The following HACL1 variants were observed in gnomAD, a reference collection of about 807,000 sequenced individuals.
HACL1 encodes the protein 1600020H07Rik.
In HACL1, 64 loss-of-function variants were observed where a neutral mutation model predicts 74.2. That is an observed-to-expected ratio of 0.86 (90% CI 0.70 to 1.06). The LOEUF (loss-of-function observed/expected upper bound fraction) is 1.06, where lower values mean the gene tolerates loss of function less well. Ranked by LOEUF, HACL1 falls within the 50% of genes least tolerant of loss-of-function variation. The probability of loss-of-function intolerance (pLI) is 0.00; values close to 1 mark genes in which losing one functional copy is unlikely to be tolerated. For missense variants in HACL1, 728 were observed against 719.7 expected (o/e 1.01, Z -0.13); for synonymous variants, 230 against 238.8 (o/e 0.96, Z 0.34).
intron 3 of HACL1, among the ~76,000 whole-genome samples, chr3:15,594,185 A>C (rs1474552374): frequency 6.6e-6 from 1 of 152,176 alleles, no homozygotes; most frequent in African/African-American, 2.4e-5. Flanking sequence ...AGGCAGATGG[A>C]TCACTTGAGT....
Position 15,576,904 on chromosome 3 carries a change from AT to A in HACL1, c.804-1823del, listed in dbSNP as rs1346883784. On this transcript the variant is annotated intron_variant, in intron 9 of 16. Coordinates refer to ENST00000321169, the MANE Select transcript of HACL1 (RefSeq NM_012260.4). Reference sequence around the variant, plus strand: ...CTATGAGACCCAATTTAACAAACAGATAACTGCAATCAGCAGGACGGACTTG... The same window carrying A: ...CTATGAGACCCAATTTAACAAACAGAAACTGCAATCAGCAGGACGGACTTG... Among the ~76,000 whole-genome samples the A allele has an allele frequency of 7.2e-5, 11 of 152,294 alleles. No individual in the cohort carries two copies. In the East Asian group the frequency reaches 2.1e-3, roughly 29 times the overall value.
intron 9 of HACL1, among the ~76,000 whole-genome samples, chr3:15,578,494 C>A (rs570907249): frequency 2.2e-4 from 34 of 152,312 alleles, no homozygotes; most frequent in Middle Eastern, 3.4e-3. Flanking sequence ...TGTTTTGTCT[C>A]CTGGCTTTGA....
At chr3:15,574,812 A>C (rs1222086419) in intron 10 of HACL1, among the ~76,000 whole-genome samples, 165 bp downstream of exon 10, 1 of 152,254 alleles carries the variant, frequency 6.6e-6, no homozygotes, top group African/African-American at 2.4e-5. Context: ...AAGGAAGCTT[A>C]TTTTGGTACC....
At chr3:15,569,733 T>C (rs1385263717) in intron 12 of HACL1, among the ~76,000 whole-genome samples, 1 of 151,678 alleles carries the variant, frequency 6.6e-6, no homozygotes, top group Non-Finnish European at 1.5e-5. Flanking sequence ...GGCAGGAGAA[T>C]TGCATGAACC....
Position 15,593,606 on chromosome 3 carries a change from G to A in HACL1, c.228-1926C>T, listed in dbSNP as rs982006452. 2.0e-5 allele frequency among the ~76,000 whole-genome samples: 3 copies of A among 151,994 alleles called. No homozygotes were observed. In the East Asian group the frequency reaches 5.8e-4, roughly 29 times the overall value. The stretch of plus-strand genomic sequence containing the variant: ...TGTCTCTAACCACTTATTTTGATCT[G>A]GACTACATCTGGACTAAATCAAGTT... On this transcript the variant is annotated intron_variant, in intron 3 of 16. Coordinates refer to ENST00000321169, the MANE Select transcript of HACL1 (RefSeq NM_012260.4).
chr3:15,589,563 C>T lies in HACL1; in HGVS notation c.358G>A (p.Gly120Arg). The change falls in exon 5 of 17, where the codon GGA (glycine) becomes AGA (arginine). Residue 120 changes from glycine to arginine, a missense_variant. Physicochemically the swap from Gly to Arg is moderately radical, Grantham distance 125. Transcript: ENST00000321169. Reference protein sequence around the residue: ...GSSERNQETMGAFQEFPQVEA... With the variant: ...GSSERNQETMRAFQEFPQVEA... ...ACCTGAGGAAACTCCTGGAAAGCTC[C>T]CATTGTTTCTTGGTTTCTTTCAGAG... 6.2e-7 allele frequency: 1 copy of T among 1,609,938 alleles called. No homozygotes were observed. The highest frequency in any genetic ancestry group is 8.5e-7 in the Non-Finnish European group (1 of 1,176,538).
At chr3:15,564,464 G>A in intron 15 of HACL1, 87 bp downstream of exon 15, 1 of 687,478 alleles carries the variant, frequency 1.5e-6, no homozygotes, top group South Asian at 1.6e-5. Context: ...TACCATGTAG[G>A]CACATTACTG....
intron 8 of HACL1, among the ~76,000 whole-genome samples, chr3:15,580,996 G>C (rs2063708485): frequency 6.6e-6 from 1 of 152,226 alleles, no homozygotes; most frequent in South Asian, 2.1e-4. Context: ...CCACCTCCCG[G>C]GTTCAAGCGA....
intron 7 of HACL1, 103 bp from the exon 8 acceptor site, chr3:15,583,092 T>C (rs1443829775): frequency 1.6e-6 from 1 of 613,586 alleles, no homozygotes; most frequent in Non-Finnish European, 2.9e-6. Flanking sequence ...ACAATAAATC[T>C]CCATACACCC....
At chr3:15,565,828 C>T (rs1053657188) in intron 14 of HACL1, among the ~76,000 whole-genome samples, 9 of 152,038 alleles carry the variant, frequency 5.9e-5, no homozygotes, top group South Asian at 2.1e-4. Flanking sequence ...TAACCAATTG[C>T]GGGTCAAAAA....
At chr3:15,563,730 T>C (rs992347672) in intron 15 of HACL1, among the ~76,000 whole-genome samples, 186 bp from the exon 16 acceptor site, 4 of 152,244 alleles carry the variant, frequency 2.6e-5, no homozygotes, top group South Asian at 2.1e-4. Context: ...TATATAGCAA[T>C]GTCCAGTAGA....
intron 11 of HACL1, among the ~76,000 whole-genome samples, chr3:15,572,144 T>A (rs1436066412): frequency 6.6e-6 from 1 of 152,150 alleles, no homozygotes; most frequent in African/African-American, 2.4e-5. Flanking sequence ...CCAGTCTGCT[T>A]TTTAAAAATA....
At chr3:15,565,279 C>T (rs143709243) in intron 14 of HACL1, among the ~76,000 whole-genome samples, 1 of 152,138 alleles carries the variant, frequency 6.6e-6, no homozygotes, top group Non-Finnish European at 1.5e-5. Context: ...ATGAAGAACA[C>T]CTTCCCTATT....
chr3:15,581,198 G>A (rs771776286), intron 8 of HACL1, among the ~76,000 whole-genome samples: 2 of 152,150 alleles, frequency 1.3e-5, no homozygotes, highest in Admixed American at 6.5e-5. Context: ...CACCACACTC[G>A]GCCCACGTTA....
At chr3:15,600,439 ATGCACTT>A (rs1242070932) in intron 2 of HACL1, among the ~76,000 whole-genome samples, 1 of 152,260 alleles carries the variant, frequency 6.6e-6, no homozygotes, top group East Asian at 1.9e-4. Context: ...TTGGCAGAGG[ATGCACTT>A]AAAGTGGATT....
rs542218656 is a variant in HACL1 at position 15,587,200 on chromosome 3, C to G, written c.382-598G>C. Among the ~76,000 whole-genome samples the G allele has an allele frequency of 7.5e-5, 11 of 146,446 alleles. No individual in the cohort carries two copies. In the East Asian group the frequency reaches 1.8e-3, roughly 24 times the overall value. ...AAAGCTGATAGTCCCACAGGCATGACAAAATTAAGATCACCCTCCGATTTT... is the reference window on the plus strand; with the variant it reads ...AAAGCTGATAGTCCCACAGGCATGAGAAAATTAAGATCACCCTCCGATTTT... On this transcript the variant is annotated intron_variant, in intron 5 of 16. Transcript: ENST00000321169.
intron 2 of HACL1, among the ~76,000 whole-genome samples, chr3:15,598,873 A>C (rs1434485712): frequency 6.6e-6 from 1 of 152,222 alleles, no homozygotes; most frequent in Non-Finnish European, 1.5e-5. Context: ...TTCCACCAAC[A>C]TCTCAAATGC....
At chr3:15,585,754 A>C (rs1979896) in intron 6 of HACL1, among the ~76,000 whole-genome samples, 4,140 of 152,280 alleles carry the variant, frequency 0.027, 196 homozygotes, top group African/African-American at 0.092. Context: ...GAAACAGCTA[A>C]AATGTAATTT....
At chr3:15,565,971 A>G (rs2063428066) in intron 14 of HACL1, among the ~76,000 whole-genome samples, 1 of 152,230 alleles carries the variant, frequency 6.6e-6, no homozygotes, top group Admixed American at 6.5e-5. Context: ...AGTAATCTAG[A>G]CATCATTAAA....
Sources: gnomAD v4.1 joint callset for allele counts (sites outside exome capture counted in the v4.1 genomes callset) on GRCh38, gnomAD v4.1.1 for gene constraint, MANE v1.5 for transcripts, NCBI Gene and HGNC (gene_info 2026-07-23, HGNC 2026-07-21) for gene names.